The following EPHA4 variants were observed in gnomAD, a reference collection of about 807,000 sequenced individuals.
EPHA4 encodes ephrin type-A receptor 4.
Under a neutral mutation model 108.3 loss-of-function variants are expected in EPHA4, and 19 were observed. That is an observed-to-expected ratio of 0.18 (90% CI 0.12 to 0.26). EPHA4 has a LOEUF of 0.26. EPHA4 is among the 10% of genes least tolerant of loss of function. The pLI is 1.00. For missense variants in EPHA4, 917 were observed against 1,254.0 expected (o/e 0.73, Z 4.06); for synonymous variants, 449 against 455.5 (o/e 0.99, Z 0.18).
In EPHA4 at chr2:221,418,582, G is replaced by A. The variant is rs1465126986; in HGVS notation, c.*2790C>T. On this transcript the variant is annotated 3_prime_UTR_variant, in exon 18 of 18. Coordinates refer to ENST00000281821, the MANE Select transcript of EPHA4 (RefSeq NM_004438.5). ...AGAATGCACACACCAGCAGTGTAGCGAGCACAACCTTTCTTTAAAATAAGA... is the reference window on the plus strand; with the variant it reads ...AGAATGCACACACCAGCAGTGTAGCAAGCACAACCTTTCTTTAAAATAAGA... 2 of 152,598 alleles carry A rather than the reference G, an allele frequency of 1.3e-5. No homozygotes were observed. Among genetic ancestry groups the A allele is most frequent in the East Asian group, 3.8e-4 (2 of 5,200 alleles). The allele number at this position is 152,598 out of a possible 1,614,324, so 9.5% of individuals were successfully genotyped here. A position where few individuals can be genotyped will look rare whatever the true frequency, so the allele number is the denominator to read the frequency against.
chr2:221,495,604 C>T (rs181476585), intron 4 of EPHA4, among the ~76,000 whole-genome samples: 15 of 152,322 alleles, frequency 9.8e-5, no homozygotes, highest in Admixed American at 2.0e-4. Context: ...CTCAGCACAT[C>T]TCACAGGCAG....
At chr2:221,444,254 T>C (rs1209790577) in intron 9 of EPHA4, among the ~76,000 whole-genome samples, 3 of 152,214 alleles carry the variant, frequency 2.0e-5, no homozygotes, top group Admixed American at 6.5e-5. Flanking sequence ...CATTGTAGCC[T>C]AGACATCAGG....
At chr2:221,480,043 TCCCAC>T (rs1208371977) in intron 5 of EPHA4, among the ~76,000 whole-genome samples, 2 of 147,542 alleles carry the variant, frequency 1.4e-5, no homozygotes, top group South Asian at 4.4e-4. Flanking sequence ...TAAAACTTCA[TCCCAC>T]CCCACCCCAC....
At chr2:221,455,357 C>T (rs1447506419) in intron 8 of EPHA4, among the ~76,000 whole-genome samples, 190 bp downstream of exon 8, 1 of 151,268 alleles carries the variant, frequency 6.6e-6, no homozygotes, top group Non-Finnish European at 1.5e-5. Flanking sequence ...GACCTCTCAG[C>T]CTGCCACCAG....
At chr2:221,572,353 G>A (rs1294492048), upstream of EPHA4, 9 of 1,033,440 alleles carry the variant, frequency 8.7e-6, no homozygotes, top group Non-Finnish European at 1.1e-5. Context: ...GGCGGGCCCG[G>A]CCGGTGACGT....
At chr2:221,504,678 T>G (rs184635043) in intron 3 of EPHA4, among the ~76,000 whole-genome samples, 418 of 152,256 alleles carry the variant, frequency 2.7e-3, no homozygotes, top group Non-Finnish European at 4.1e-3. Flanking sequence ...ATAATAGCAA[T>G]TGTGAAAATA....
intron 4 of EPHA4, among the ~76,000 whole-genome samples, chr2:221,486,093 C>T (rs1691965414): frequency 6.6e-6 from 1 of 152,248 alleles, no homozygotes; most frequent in African/African-American, 2.4e-5. Context: ...ATATGTCCAC[C>T]TGCGAGTAAG....
chr2:221,544,545 C>T (rs531084080), intron 3 of EPHA4, among the ~76,000 whole-genome samples: 13 of 152,236 alleles, frequency 8.5e-5, no homozygotes, highest in South Asian at 6.2e-4. Flanking sequence ...AGGCTGGTCT[C>T]GAACTCCTGA....
chr2:221,531,709 A>G (rs1693521327), intron 3 of EPHA4, among the ~76,000 whole-genome samples: 2 of 135,262 alleles, frequency 1.5e-5, no homozygotes, highest in Non-Finnish European at 3.1e-5. Flanking sequence ...ATACTCATCT[A>G]TCTGTCTCAC....
At chr2:221,519,668 C>G (rs952182888) in intron 3 of EPHA4, among the ~76,000 whole-genome samples, 1 of 152,220 alleles carries the variant, frequency 6.6e-6, no homozygotes, top group Non-Finnish European at 1.5e-5. Flanking sequence ...GGACATGCTA[C>G]CTGGGAGACT....
At chr2:221,504,181 C>T (rs543090681) in intron 3 of EPHA4, among the ~76,000 whole-genome samples, 7 of 152,276 alleles carry the variant, frequency 4.6e-5, no homozygotes, top group East Asian at 3.9e-4. Context: ...CTATTTCCAC[C>T]GAAGTTTCAC....
At position 221,457,976 on chromosome 2, in the gene EPHA4, C is replaced by T. The variant is rs971898806; in HGVS notation, c.1333G>A (p.Ala445Thr). Reference sequence around the variant, plus strand: ...GTGACTTCTTTAGCCTGGACCAAAGCAATGGATGATGGTGCTGTTAGAAAA... The same window carrying T: ...GTGACTTCTTTAGCCTGGACCAAAGTAATGGATGATGGTGCTGTTAGAAAA... ...TTNQAAPSSIALVQAKEVTRY... is the reference protein window; with the variant it reads ...TTNQAAPSSITLVQAKEVTRY... The change falls in exon 6 of 18, where the codon GCT becomes ACT. Residue 445 changes from alanine to threonine, a missense_variant. Around this residue, in one of 3 missense-constraint regions of EPHA4, gnomAD observed 758 missense variants for 1,076.7 expected, o/e 0.70. Transcript: ENST00000281821. The T allele has an allele frequency of 3.7e-6, 6 of 1,612,874 alleles. No individual in the cohort carries two copies. The highest frequency in any genetic ancestry group is 4.2e-6 in the Non-Finnish European group (5 of 1,179,418).
intron 4 of EPHA4, among the ~76,000 whole-genome samples, chr2:221,482,994 A>G (rs1281430988): frequency 6.6e-6 from 1 of 152,218 alleles, no homozygotes; most frequent in Admixed American, 6.5e-5. Flanking sequence ...TGGCAGAAAA[A>G]TATCATAATT....
intron 5 of EPHA4, among the ~76,000 whole-genome samples, 193 bp downstream of exon 5, chr2:221,482,159 C>T (rs1348361397): frequency 2.0e-5 from 3 of 152,172 alleles, no homozygotes; most frequent in Non-Finnish European, 2.9e-5. Flanking sequence ...GATCCACCTG[C>T]CCTGGCCTCC....
At chr2:221,519,875 C>T (rs1157733179) in intron 3 of EPHA4, among the ~76,000 whole-genome samples, 1 of 152,042 alleles carries the variant, frequency 6.6e-6, no homozygotes. Context: ...CCCAAATAAA[C>T]AAAAGCAGTT....
chr2:221,514,046 C>T (rs753180490), intron 3 of EPHA4, among the ~76,000 whole-genome samples: 4 of 151,550 alleles, frequency 2.6e-5, no homozygotes, highest in Admixed American at 6.6e-5. Context: ...GTGCTGGCAA[C>T]AACCCACCCT....
At chr2:221,543,980 G>C (rs1422679147) in intron 3 of EPHA4, among the ~76,000 whole-genome samples, 1 of 152,122 alleles carries the variant, frequency 6.6e-6, no homozygotes, top group Non-Finnish European at 1.5e-5. Flanking sequence ...TCTGATGAGG[G>C]CTCGATTTCT....
intron 3 of EPHA4, among the ~76,000 whole-genome samples, chr2:221,533,818 A>C (rs1255189163): frequency 1.3e-5 from 2 of 151,818 alleles, no homozygotes; most frequent in Non-Finnish European, 2.9e-5. Context: ...GAAAATCCAA[A>C]CAACCTTCTC....
At chr2:221,452,536 T>C (rs1690818697) in intron 8 of EPHA4, among the ~76,000 whole-genome samples, 1 of 152,244 alleles carries the variant, frequency 6.6e-6, no homozygotes, top group African/African-American at 2.4e-5. Context: ...TGAGTGTGCA[T>C]GAGCCGCTGC....
Sources: allele counts gnomAD v4.1 joint callset (sites outside exome capture counted in the v4.1 genomes callset), GRCh38; gene constraint gnomAD v4.1.1; regional missense constraint gnomAD v4.1.1; transcripts MANE v1.5; gene names NCBI Gene and HGNC (gene_info 2026-07-23, HGNC 2026-07-21).